The following PLXNB2 variants were observed in gnomAD, a reference collection of about 807,000 sequenced individuals.
PLXNB2 encodes the protein plexin B2.
PLXNB2 carries 85 observed loss-of-function variants against 202.6 expected under a neutral mutation model. The observed-to-expected ratio is 0.42, with a 90% CI of 0.35 to 0.50. PLXNB2 has a LOEUF of 0.50. PLXNB2 is among the 20% of genes least tolerant of loss of function. The probability of loss-of-function intolerance (pLI) is 0.02; values close to 1 mark genes in which losing one functional copy is unlikely to be tolerated. For missense variants in PLXNB2, 2,063 were observed against 2,586.2 expected, an observed-to-expected ratio of 0.80 and a Z score of 4.39; for synonymous variants, 1,239 against 1,137.6, an observed-to-expected ratio of 1.09 and a Z score of -1.79.
chr22:50,296,231 A>ACACAC (rs1420758828), intron 1 of PLXNB2, among the ~76,000 whole-genome samples: 2 of 63,588 alleles, frequency 3.1e-5, no homozygotes, highest in East Asian at 4.3e-4. Flanking sequence ...CACACACACA[A>ACACAC]TAAAAAAGTT....
rs1374490981 is a variant in PLXNB2, at chr22:50,275,500, G to C, written c.*204C>G. 1.5e-6 allele frequency: 1 copy of C among 668,224 alleles called. No homozygotes were observed. Among genetic ancestry groups the C allele is most frequent in the South Asian group, 1.5e-5 (1 of 65,816 alleles). 41.4% of individuals were successfully genotyped at this position (668,224 alleles called of 1,614,324 possible). The stretch of plus-strand genomic sequence containing the variant: ...CCGGAGGGAGCTGGGGCTGGGGCTG[G>C]TGCTGGTGCGGTGCCCGGCGGTATT... On this transcript the variant is annotated 3_prime_UTR_variant, in exon 37 of 37. Coordinates refer to ENST00000359337, the MANE Select transcript of PLXNB2 (RefSeq NM_012401.4).
At chr22:50,301,821 C>T (rs2067707611) in intron 1 of PLXNB2, among the ~76,000 whole-genome samples, 1 of 152,238 alleles carries the variant, frequency 6.6e-6, no homozygotes, top group African/African-American at 2.4e-5. Flanking sequence ...TCACCCCAGC[C>T]CCGCCTCGCC....
rs758099056 is a variant in PLXNB2, at chr22:50,275,653, TCTCAGGTAC to T, written c.*42_*50del. 5.4e-5 allele frequency: 70 copies of T among 1,292,516 alleles called. No homozygotes were observed. The highest frequency in any genetic ancestry group is 9.3e-5 in the East Asian group (4 of 42,952). The allele number at this position is 1,292,516 out of a possible 1,614,324, so 80.1% of individuals were successfully genotyped here. ...CACTCGGCCTCCTCCCCTGAGGGGC[TCTCAGGTAC>T]CTCAGGTACCTATGTCCCAAGGCAG... On this transcript the variant is annotated 3_prime_UTR_variant, in exon 37 of 37. Coordinates refer to ENST00000359337, the MANE Select transcript of PLXNB2 (RefSeq NM_012401.4).
At chr22:50,277,542 G>A (rs767041244) in intron 33 of PLXNB2, 49 bp downstream of exon 33, 22 of 1,503,960 alleles carry the variant, frequency 1.5e-5, no homozygotes, top group Non-Finnish European at 1.9e-5. Context: ...ATGCCTCCTG[G>A]GGACAGACCC....
At chr22:50,278,788 T>C in intron 28 of PLXNB2, 67 bp downstream of exon 28, 1 of 1,594,312 alleles carries the variant, frequency 6.3e-7, no homozygotes, top group Non-Finnish European at 8.5e-7. Context: ...CCAGGCAGGA[T>C]ACCGCCCCAG....
chr22:50,280,714 G>GGGGGCC, intron 24 of PLXNB2, 30 bp downstream of exon 24: 1 of 1,528,928 alleles, frequency 6.5e-7, no homozygotes, highest in Non-Finnish European at 8.9e-7. Context: ...CCACCTGTGT[G>GGGGGCC]CCCTCCCGCC....
At chr22:50,307,383 CGGAT>C (rs2067927944) in intron 1 of PLXNB2, among the ~76,000 whole-genome samples, 166 bp downstream of exon 1, 2 of 151,386 alleles carry the variant, frequency 1.3e-5, no homozygotes, top group Non-Finnish European at 3.0e-5. Context: ...CGGGCCTCGC[CGGAT>C]GGACCGACGG....
At chr22:50,280,183 G>T in intron 25 of PLXNB2, 112 bp from the exon 26 acceptor site, 1 of 848,938 alleles carries the variant, frequency 1.2e-6, no homozygotes, top group Non-Finnish European at 1.8e-6. Context: ...TGTCCAGCCT[G>T]GGTGTGGCCT....
chr22:50,302,130 G>A (rs950397986), intron 1 of PLXNB2, among the ~76,000 whole-genome samples: 2 of 152,218 alleles, frequency 1.3e-5, no homozygotes, highest in Non-Finnish European at 2.9e-5. Context: ...GTGGGGGCAG[G>A]GCCGTCTCAG....
chr22:50,281,964 G>T lies in PLXNB2; in HGVS notation c.3235C>A (p.Arg1079Ser), dbSNP rs374627819. 1 of 1,613,066 alleles carries T rather than the reference G, an allele frequency of 6.2e-7. No individual in the cohort carries two copies. The highest frequency in any genetic ancestry group is 8.5e-7 in the Non-Finnish European group (1 of 1,179,964). Residue 1079 changes from arginine (R) to serine (S), a missense_variant, in exon 20 of 37, where the codon CGT becomes AGT. Around this residue, in one of 2 missense-constraint regions of PLXNB2, gnomAD observed 760 missense variants for 1,109.4 expected, o/e 0.69. Coordinates refer to ENST00000359337, the MANE Select transcript of PLXNB2 (RefSeq NM_012401.4). ...CCGGCCTCTGTTCTGAGCAGGGCACGGTGCCCGTCCATCTCGATCAGCACC... is the reference window on the plus strand; with the variant it reads ...CCGGCCTCTGTTCTGAGCAGGGCACTGTGCCCGTCCATCTCGATCAGCACC... ...LTVLIEMDGH[R>S]ALLRTEAGAF...
At chr22:50,278,811 G>A (rs1246753056) in intron 28 of PLXNB2, 44 bp downstream of exon 28, 1 of 1,600,302 alleles carries the variant, frequency 6.2e-7, no homozygotes. Flanking sequence ...CACAGGCCAG[G>A]CACATGGGCG....
chr22:50,285,227 G>T (rs28495496), intron 11 of PLXNB2, among the ~76,000 whole-genome samples: 10 of 119,392 alleles, frequency 8.4e-5, no homozygotes, highest in African/African-American at 3.0e-4. Flanking sequence ...CTCCGCACCT[G>T]AGCCTGCCTG....
chr22:50,296,675 C>T (rs1359492195), intron 1 of PLXNB2, among the ~76,000 whole-genome samples: 1 of 151,866 alleles, frequency 6.6e-6, no homozygotes, highest in East Asian at 1.9e-4. Flanking sequence ...TGTGACTCTC[C>T]AGGCCCTCAA....
chr22:50,279,822 C>A, intron 26 of PLXNB2, 46 bp from the exon 27 acceptor site: 1 of 1,608,600 alleles, frequency 6.2e-7, no homozygotes, highest in Non-Finnish European at 8.5e-7. Context: ...GGACTTGGGG[C>A]CTGGAAGGGG....
intron 1 of PLXNB2, among the ~76,000 whole-genome samples, chr22:50,295,436 A>C (rs2067192229): frequency 6.6e-6 from 1 of 152,120 alleles, no homozygotes; most frequent in African/African-American, 2.4e-5. Flanking sequence ...CCATCTGTGG[A>C]ATGGAGACAG....
At chr22:50,300,427 C>T in intron 1 of PLXNB2, 2 of 575,606 alleles carry the variant, frequency 3.5e-6, no homozygotes, top group Non-Finnish European at 4.4e-6. Flanking sequence ...GGCCCAGCTG[C>T]CAATCATGCA....
At chr22:50,305,235 G>A (rs1451725862) in intron 1 of PLXNB2, among the ~76,000 whole-genome samples, 2 of 152,200 alleles carry the variant, frequency 1.3e-5, no homozygotes, top group Non-Finnish European at 2.9e-5. Context: ...GGGATGGGAG[G>A]AGGACTGTGC....
At chr22:50,278,092 C>T (rs749197135) in intron 31 of PLXNB2, 25 bp downstream of exon 31, 17 of 1,602,342 alleles carry the variant, frequency 1.1e-5, no homozygotes, top group South Asian at 8.8e-5. Context: ...GGCCTGGTGC[C>T]GCCCACACAC....
Position 50,290,134 on chromosome 22 carries a change from C to T in PLXNB2, c.451G>A (p.Val151Met), listed in dbSNP as rs374494862. ...GAGCTCACCAGCCCCACTGTGGCCA[C>T]GCCCTCATCATTGCTGGCCACGAAA... ...KSFVASNDEG[V>M]ATVGLVSSTG... Residue 151 changes from valine (V) to methionine (M), a missense_variant, in exon 3 of 37, where the codon GTG becomes ATG. By Grantham distance (21) the Val-to-Met change is conservative (BLOSUM62 1). Transcript: ENST00000359337. 114 of 1,612,954 alleles carry T rather than the reference C, an allele frequency of 7.1e-5. No homozygotes were observed. Among genetic ancestry groups the T allele is most frequent in the Admixed American group, 3.0e-4 (18 of 60,002 alleles).
Sources: allele counts gnomAD v4.1 joint callset (sites outside exome capture counted in the v4.1 genomes callset), GRCh38; gene constraint gnomAD v4.1.1; regional missense constraint gnomAD v4.1.1; transcripts MANE v1.5; gene names NCBI Gene and HGNC (gene_info 2026-07-23, HGNC 2026-07-21).